The following BAZ2B variants were observed in gnomAD, a reference collection of about 807,000 sequenced individuals.
The protein encoded by BAZ2B is bromodomain adjacent to zinc finger domain protein 2B.
In BAZ2B, 91 loss-of-function variants were observed where a neutral mutation model predicts 246.0. That is an observed-to-expected ratio of 0.37 (90% CI 0.31 to 0.44). BAZ2B has a LOEUF of 0.44. Ranked by LOEUF, BAZ2B falls within the 20% of genes least tolerant of loss-of-function variation. The pLI is 1.00. For synonymous variants in BAZ2B, 855 were observed against 860.0 expected (o/e 0.99, Z 0.10); for missense variants, 2,332 against 2,533.7 (o/e 0.92, Z 1.71).
chr2:159,669,779 A>G, the BAZ2B span, among the ~76,000 whole-genome samples: 58 of 152,254 alleles, frequency 3.8e-4, no homozygotes, highest in African/African-American at 1.3e-3. Context: ...TTTTAGGCCT[A>G]AGATAAATCT....
At chr2:159,448,141 A>C in intron 5 of BAZ2B, 101 bp downstream of exon 5, 1 of 1,359,286 alleles carries the variant, frequency 7.4e-7, no homozygotes, top group Non-Finnish European at 1.0e-6. Context: ...ACAAACAAAC[A>C]AACAAAAACA....
At chr2:159,561,053 T>C (rs779219691) in intron 1 of BAZ2B, among the ~76,000 whole-genome samples, 100 of 152,324 alleles carry the variant, frequency 6.6e-4, no homozygotes, top group Non-Finnish European at 1.2e-3. Flanking sequence ...GTTCAGTGTC[T>C]ATGCTGTCCA....
chr2:159,316,493 C>T (rs1266433657), downstream of BAZ2B, among the ~76,000 whole-genome samples: 1 of 151,590 alleles, frequency 6.6e-6, no homozygotes, highest in African/African-American at 2.4e-5. Flanking sequence ...AGATCGAGAC[C>T]ATCCTGGCTA....
intron 1 of BAZ2B, among the ~76,000 whole-genome samples, chr2:159,610,166 T>C (rs1467837397): frequency 6.6e-6 from 1 of 152,152 alleles, no homozygotes; most frequent in Non-Finnish European, 1.5e-5. Context: ...AATCAAAATC[T>C]CTGCAGCATA....
chr2:159,649,677 C>T, the BAZ2B span, among the ~76,000 whole-genome samples: 25 of 152,162 alleles, frequency 1.6e-4, no homozygotes, highest in Non-Finnish European at 1.9e-4. Flanking sequence ...TGGTGACCTA[C>T]ACTGACGTAG....
At chr2:159,532,449 G>A (rs147168115) in intron 2 of BAZ2B, among the ~76,000 whole-genome samples, 35 of 152,082 alleles carry the variant, frequency 2.3e-4, no homozygotes, top group African/African-American at 8.2e-4. Context: ...AAAATATTAC[G>A]GGGAGAACAA....
intron 19 of BAZ2B, 43 bp from the exon 20 acceptor site, chr2:159,395,877 T>G: frequency 6.6e-7 from 1 of 1,523,614 alleles, no homozygotes; most frequent in South Asian, 1.2e-5. Flanking sequence ...CAGCCACAAT[T>G]AACAGTTTGA....
At chr2:159,711,593 C>G in the BAZ2B span, among the ~76,000 whole-genome samples, 2 of 152,110 alleles carry the variant, frequency 1.3e-5, no homozygotes, top group African/African-American at 4.8e-5. Flanking sequence ...AGTATTCTTC[C>G]AAGTTTCAAT....
rs115994837 is a variant in BAZ2B, at chr2:159,561,807, G to T, written c.-45-5942C>A. On this transcript the variant is annotated intron_variant, in intron 1 of 36. Transcript: ENST00000392783. ...AGGATATGTACATTTCAATAAAACT[G>T]CTCCAAATTGGGAGGAGAGGAATTC... Among the ~76,000 whole-genome samples the T allele has an allele frequency of 3.1e-3, 467 of 152,292 alleles. 4 individuals carry two copies. The highest frequency in any genetic ancestry group is 0.011 in the African/African-American group (439 of 41,564).
At chr2:159,599,753 G>A (rs1212099694) in intron 1 of BAZ2B, among the ~76,000 whole-genome samples, 1 of 151,860 alleles carries the variant, frequency 6.6e-6, no homozygotes, top group Non-Finnish European at 1.5e-5. Context: ...TGGCTAACAC[G>A]GTGAAACCCC....
At chr2:159,456,960 A>G (rs2075850378) in intron 3 of BAZ2B, among the ~76,000 whole-genome samples, 1 of 152,236 alleles carries the variant, frequency 6.6e-6, no homozygotes, top group Non-Finnish European at 1.5e-5. Flanking sequence ...TTGCCTTTAT[A>G]GCAAGAATTT....
chr2:159,323,905 T>C (rs2063081630), intron 36 of BAZ2B, among the ~76,000 whole-genome samples: 1 of 152,026 alleles, frequency 6.6e-6, no homozygotes, highest in South Asian at 2.1e-4. Context: ...AACGCTTCCT[T>C]AACTTAGGCA....
chr2:159,686,708 T>C, the BAZ2B span, among the ~76,000 whole-genome samples: 3 of 152,158 alleles, frequency 2.0e-5, no homozygotes, highest in African/African-American at 7.2e-5. Flanking sequence ...GGGGTTTAGA[T>C]AACAGTAATG....
intron 8 of BAZ2B, among the ~76,000 whole-genome samples, chr2:159,436,063 C>G (rs1337650435): frequency 6.6e-6 from 1 of 152,076 alleles, no homozygotes; most frequent in East Asian, 1.9e-4. Flanking sequence ...ACATAAAATA[C>G]TTTAATATAC....
chr2:159,541,722 G>A (rs1202163562), intron 2 of BAZ2B, among the ~76,000 whole-genome samples: 1 of 152,060 alleles, frequency 6.6e-6, no homozygotes, highest in South Asian at 2.1e-4. Context: ...AAAGTGCTAC[G>A]TTCCCTTCCT....
the BAZ2B span, among the ~76,000 whole-genome samples, chr2:159,692,926 A>T: frequency 6.6e-6 from 1 of 152,142 alleles, no homozygotes; most frequent in Admixed American, 6.5e-5. Flanking sequence ...CTCCTTTCTC[A>T]GTTTCCCAAG....
At chr2:159,395,917 A>C (rs2063954676) in intron 19 of BAZ2B, 83 bp from the exon 20 acceptor site, 1 of 1,248,280 alleles carries the variant, frequency 8.0e-7, no homozygotes, top group Non-Finnish European at 1.1e-6. Flanking sequence ...AAACAAAAAC[A>C]AAACAAAAAC....
At chr2:159,647,015 C>T in the BAZ2B span, among the ~76,000 whole-genome samples, 1 of 152,088 alleles carries the variant, frequency 6.6e-6, no homozygotes, top group Non-Finnish European at 1.5e-5. Context: ...ATTCATTAAA[C>T]ATATATATTT....
At position 159,430,887 on chromosome 2, in the gene BAZ2B, T is replaced by C. The variant is rs2070982505; in HGVS notation, c.2170A>G (p.Thr724Ala). 1.2e-6 allele frequency: 2 copies of C among 1,613,724 alleles called. No individual in the cohort carries two copies. The highest frequency in any genetic ancestry group is 1.7e-6 in the Non-Finnish European group (2 of 1,179,762). The change falls in exon 10 of 37, where the codon ACA becomes GCA. Residue 724 changes from threonine to alanine, a missense_variant. Thr to Ala is a moderately conservative substitution (Grantham distance 58). This residue lies in a region of BAZ2B where 651 missense variants were observed against 650.9 expected (regional missense o/e 1.00). Coordinates refer to ENST00000392783, the MANE Select transcript of BAZ2B (RefSeq NM_013450.4). ...SPAFLGTSSS[T>A]LTSSPHSGTS... ...CCAGAGTGTGGGCTTGAAGTAAGTG[T>C]GGAAGAAGATGTACCAAGAAAAGCA...
Sources: gnomAD v4.1 joint callset for allele counts (sites outside exome capture counted in the v4.1 genomes callset) on GRCh38, gnomAD v4.1.1 for gene constraint, gnomAD v4.1.1 regional missense constraint, MANE v1.5 for transcripts, NCBI Gene and HGNC (gene_info 2026-07-23, HGNC 2026-07-21) for gene names.